BMP5: variants seen among roughly 807,000 people sequenced by gnomAD.
The protein encoded by BMP5 is bone morphogenetic protein 5.
In BMP5, 23 loss-of-function variants were observed where a neutral mutation model predicts 46.6. That is an observed-to-expected ratio of 0.49 (90% CI 0.35 to 0.70). The LOEUF is 0.70. Ranked by LOEUF, BMP5 falls within the 30% of genes least tolerant of loss-of-function variation. The pLI is 0.00. For missense variants in BMP5, 545 were observed against 565.6 expected (o/e 0.96, Z 0.37); for synonymous variants, 204 against 191.9 (o/e 1.06, Z -0.52).
At chr6:55,780,456 TA>T (rs369703099) in intron 3 of BMP5, among the ~76,000 whole-genome samples, 1 of 62,028 alleles carries the variant, frequency 1.6e-5, no homozygotes, top group Non-Finnish European at 2.7e-5. Flanking sequence ...CCATCACTAC[TA>T]AAAAAAAAAA....
intron 3 of BMP5, among the ~76,000 whole-genome samples, chr6:55,786,383 G>T (rs1047027325): frequency 6.6e-6 from 1 of 151,636 alleles, no homozygotes; most frequent in East Asian, 1.9e-4. Context: ...TCCTAGACAA[G>T]AAGTCAACTA....
At chr6:55,826,493 T>C (rs181339954) in intron 1 of BMP5, among the ~76,000 whole-genome samples, 43 of 151,724 alleles carry the variant, frequency 2.8e-4, no homozygotes, top group Non-Finnish European at 5.9e-5. Context: ...TTAGTTTACT[T>C]TAAAAATATA....
At chr6:55,757,315 A>G (rs1301702256) in intron 6 of BMP5, among the ~76,000 whole-genome samples, 1 of 151,948 alleles carries the variant, frequency 6.6e-6, no homozygotes, top group East Asian at 1.9e-4. Context: ...TGATGATAAA[A>G]AGAGGCAAAG....
rs1774516760 is a variant in BMP5 at position 55,753,965 on chromosome 6, A to G, written c.*1568T>C. 6.6e-6 allele frequency: 1 copy of G among 152,028 alleles called. No individual in the cohort carries two copies. Among genetic ancestry groups the G allele is most frequent in the African/African-American group, 2.4e-5 (1 of 41,426 alleles). The allele number at this position is 152,028 out of a possible 1,614,324, so 9.4% of individuals were successfully genotyped here. On this transcript the variant is annotated 3_prime_UTR_variant, in exon 7 of 7. Coordinates refer to ENST00000370830, the MANE Select transcript of BMP5 (RefSeq NM_021073.4). Reference sequence around the variant, plus strand: ...CAATGGTACACCATTAATTAAAAATATATTACTTAATGTACCCCTTAATAT... The same window carrying G: ...CAATGGTACACCATTAATTAAAAATGTATTACTTAATGTACCCCTTAATAT...
At chr6:55,786,171 A>T (rs1379601196) in intron 3 of BMP5, among the ~76,000 whole-genome samples, 1 of 151,654 alleles carries the variant, frequency 6.6e-6, no homozygotes, top group East Asian at 1.9e-4. Flanking sequence ...TTTGAATGTA[A>T]CTGTTTAATA....
At chr6:55,856,792 T>A (rs572701585) in intron 1 of BMP5, among the ~76,000 whole-genome samples, 22 of 152,214 alleles carry the variant, frequency 1.4e-4, no homozygotes, top group African/African-American at 5.1e-4. Flanking sequence ...CAAAGCACAA[T>A]CTTCATTATG....
intron 3 of BMP5, among the ~76,000 whole-genome samples, chr6:55,787,655 A>G (rs2127526465): frequency 6.6e-6 from 1 of 151,824 alleles, no homozygotes; most frequent in Admixed American, 6.6e-5. Context: ...GTTGTCAATT[A>G]CTGGGAATGA....
chr6:55,818,536 G>A (rs1776330657), intron 2 of BMP5, among the ~76,000 whole-genome samples: 1 of 151,952 alleles, frequency 6.6e-6, no homozygotes, highest in Non-Finnish European at 1.5e-5. Context: ...AAATTAAATT[G>A]ATTTAAAATA....
chr6:55,775,258 T>C (rs1775149049), intron 3 of BMP5, among the ~76,000 whole-genome samples: 2 of 151,964 alleles, frequency 1.3e-5, no homozygotes, highest in African/African-American at 4.8e-5. Flanking sequence ...TTGGAGTGGT[T>C]GCTGTGCTAG....
At chr6:55,795,136 G>A (rs972924317) in intron 2 of BMP5, among the ~76,000 whole-genome samples, 4 of 152,048 alleles carry the variant, frequency 2.6e-5, no homozygotes, top group Non-Finnish European at 5.9e-5. Flanking sequence ...TTGTATTGCT[G>A]AATCTTAATT....
At chr6:55,852,334 G>C (rs1236943001) in intron 1 of BMP5, among the ~76,000 whole-genome samples, 1 of 151,884 alleles carries the variant, frequency 6.6e-6, no homozygotes, top group Non-Finnish European at 1.5e-5. Flanking sequence ...CTTTCAGATT[G>C]ATAGTAAATC....
intron 4 of BMP5, among the ~76,000 whole-genome samples, chr6:55,765,152 G>GA (rs1175736006): frequency 2.6e-5 from 4 of 151,932 alleles, no homozygotes; most frequent in East Asian, 3.9e-4. Flanking sequence ...ACTAGCTCCT[G>GA]AAAAAAACAA....
intron 2 of BMP5, among the ~76,000 whole-genome samples, chr6:55,799,794 G>C (rs1037274504): frequency 2.0e-5 from 3 of 152,108 alleles, no homozygotes; most frequent in Non-Finnish European, 4.4e-5. Context: ...TACAGACATG[G>C]CTTCTGTTCC....
chr6:55,797,012 A>G (rs1321623329), intron 2 of BMP5, among the ~76,000 whole-genome samples: 1 of 152,142 alleles, frequency 6.6e-6, no homozygotes, highest in African/African-American at 2.4e-5. Flanking sequence ...TTGACTGACA[A>G]ATTATTTAAT....
At chr6:55,784,399 TC>T (rs1775397788) in intron 3 of BMP5, among the ~76,000 whole-genome samples, 1 of 151,878 alleles carries the variant, frequency 6.6e-6, no homozygotes, top group African/African-American at 2.4e-5. Flanking sequence ...CAAAATTTAG[TC>T]TTTCAATTTA....
chr6:55,838,587 A>G (rs183910519), intron 1 of BMP5, among the ~76,000 whole-genome samples: 1 of 152,044 alleles, frequency 6.6e-6, no homozygotes, highest in African/African-American at 2.4e-5. Flanking sequence ...CTCCCACTCC[A>G]TGTGATGTCT....
chr6:55,841,583 T>C (rs535945262), intron 1 of BMP5, among the ~76,000 whole-genome samples: 86 of 150,374 alleles, frequency 5.7e-4, no homozygotes, highest in Non-Finnish European at 8.9e-4. Context: ...ACTCAAGGTG[T>C]CACAGGTCTG....
chr6:55,759,142 CACAAAAAAAAAAAAAAAAAA>C, intron 5 of BMP5, 27 bp from the exon 6 acceptor site: 9 of 119,556 alleles, frequency 7.5e-5, no homozygotes, highest in Non-Finnish European at 1.1e-4. Context: ...CACACACACA[CACAAAAAAAAAAAAAAAAAA>C]AAAAAAAAAA....
chr6:55,776,901 T>G (rs1775187257), intron 3 of BMP5, among the ~76,000 whole-genome samples: 1 of 151,980 alleles, frequency 6.6e-6, no homozygotes, highest in South Asian at 2.1e-4. Flanking sequence ...AGATTTATGT[T>G]CTAAAAACTG....
Sources: gnomAD v4.1 joint callset for allele counts (sites outside exome capture counted in the v4.1 genomes callset) on GRCh38, gnomAD v4.1.1 for gene constraint, MANE v1.5 for transcripts, NCBI Gene and HGNC (gene_info 2026-07-23, HGNC 2026-07-21) for gene names.